The following HERC1 variants were observed in gnomAD, a reference collection of about 807,000 sequenced individuals.
HERC1 encodes HECT and RLD domain containing E3 ubiquitin protein ligase family member 1, also known as probable E3 ubiquitin-protein ligase HERC1.
HERC1 carries 160 observed loss-of-function variants against 554.3 expected under a neutral mutation model. The ratio of observed to expected loss-of-function variants is 0.29; its 90% confidence interval spans 0.25 to 0.33. The LOEUF (loss-of-function observed/expected upper bound fraction) is 0.33. Ranked by LOEUF, HERC1 falls within the 10% of genes least tolerant of loss-of-function variation. HERC1 has a pLI of 1.00. For synonymous variants in HERC1, 2,175 were observed against 2,131.7 expected, an observed-to-expected ratio of 1.02 and a Z score of -0.56; for missense variants, 4,919 against 5,918.5, an observed-to-expected ratio of 0.83 and a Z score of 5.54.
In HERC1 at chr15:63,624,266, A is replaced by G. The variant is rs764214583; in HGVS notation, c.13337T>C (p.Leu4446Ser). 4.3e-6 allele frequency: 7 copies of G among 1,613,880 alleles called. No homozygotes were observed. Among genetic ancestry groups the G allele is most frequent in the Non-Finnish European group, 4.2e-6 (5 of 1,179,798 alleles). ...WGIVQGQLRP[L>S]LAPRVYTLPM... ...CAGAGTGTAGACTCTTGGGGCTAAC[A>G]AAGGCCGAAGTTGTCCCTGTACAAT... Residue 4446 changes from leucine to serine, a missense_variant, in exon 72 of 78, where the codon TTG becomes TCG. Leu to Ser is a moderately radical substitution (Grantham distance 145, BLOSUM62 -2). Around this residue, in one of 11 missense-constraint regions of HERC1, gnomAD observed 410 missense variants for 467.0 expected, o/e 0.88. Coordinates refer to ENST00000443617, the MANE Select transcript of HERC1 (RefSeq NM_003922.4).
chr15:63,721,840 C>T (rs184865305), intron 19 of HERC1, among the ~76,000 whole-genome samples: 2 of 152,038 alleles, frequency 1.3e-5, no homozygotes, highest in Admixed American at 6.6e-5. Flanking sequence ...AAAATATGTA[C>T]ATAAAATTAA....
chr15:63,816,485 T>C (rs1334562560), intron 1 of HERC1, among the ~76,000 whole-genome samples: 1 of 152,226 alleles, frequency 6.6e-6, no homozygotes, highest in Non-Finnish European at 1.5e-5. Flanking sequence ...ACTACTGCCC[T>C]GCACAAATTA....
Position 63,643,004 on chromosome 15 carries a change from C to A in HERC1, c.11386G>T (p.Val3796Leu). Residue 3796 changes from valine to leucine, a missense_variant, in exon 59 of 78, where the codon GTA (valine) becomes TTA (leucine). Physicochemically the swap from Val to Leu is conservative, Grantham distance 32 (BLOSUM62 1). Around this residue, in one of 11 missense-constraint regions of HERC1, gnomAD observed 1,963 missense variants for 2,228.6 expected, o/e 0.88. Coordinates refer to ENST00000443617, the MANE Select transcript of HERC1 (RefSeq NM_003922.4). ...VIGSGAIQTT[V>L]WIPEVGVAAC... Reference sequence around the variant, plus strand: ...GCTACTCCAACTTCTGGAATCCATACTGTGGTCTGAATAGCTCCAGAGCCT... The same window carrying A: ...GCTACTCCAACTTCTGGAATCCATAATGTGGTCTGAATAGCTCCAGAGCCT... The A allele has an allele frequency of 1.9e-6, 3 of 1,613,176 alleles. No homozygotes were observed. Among genetic ancestry groups the A allele is most frequent in the East Asian group, 2.2e-5 (1 of 44,854 alleles).
At chr15:63,819,529 A>G (rs939412873) in intron 1 of HERC1, among the ~76,000 whole-genome samples, 1 of 152,162 alleles carries the variant, frequency 6.6e-6, no homozygotes, top group Admixed American at 6.5e-5. Flanking sequence ...ATAAAGATTC[A>G]CTAATATTCA....
intron 1 of HERC1, among the ~76,000 whole-genome samples, chr15:63,821,906 CAAAT>C (rs1392062256): frequency 2.6e-5 from 4 of 151,834 alleles, no homozygotes; most frequent in African/African-American, 9.7e-5. Flanking sequence ...GTAAGGAAGA[CAAAT>C]AATAACCAGG....
chr15:63,763,643 T>C (rs1382759925), intron 3 of HERC1, among the ~76,000 whole-genome samples: 1 of 151,416 alleles, frequency 6.6e-6, no homozygotes, highest in Admixed American at 6.6e-5. Flanking sequence ...GACAGAACTA[T>C]AAAGAAATGC....
intron 1 of HERC1, among the ~76,000 whole-genome samples, chr15:63,811,507 G>A (rs75374111): frequency 2.0e-5 from 3 of 151,996 alleles, no homozygotes; most frequent in Non-Finnish European, 2.9e-5. Flanking sequence ...GCTGAGCCCC[G>A]GTAACATAAA....
intron 74 of HERC1, among the ~76,000 whole-genome samples, chr15:63,620,184 G>A (rs1164944034): frequency 7.2e-5 from 11 of 152,154 alleles, no homozygotes; most frequent in Non-Finnish European, 1.2e-4. Context: ...AGAGATTCTG[G>A]TATGTTGTGT....
intron 36 of HERC1, among the ~76,000 whole-genome samples, chr15:63,679,474 G>A (rs1319696940): frequency 6.6e-6 from 1 of 152,120 alleles, no homozygotes; most frequent in African/African-American, 2.4e-5. Flanking sequence ...AGAAATTCTT[G>A]AGACTTGACT....
chr15:63,821,726 CAAA>C (rs35074987), intron 1 of HERC1, among the ~76,000 whole-genome samples: 77 of 62,458 alleles, frequency 1.2e-3, no homozygotes, highest in African/African-American at 4.1e-3. Flanking sequence ...TACCCTGTCT[CAAA>C]AAAAAAAAAA....
At chr15:63,808,337 G>C (rs1189721199) in intron 1 of HERC1, among the ~76,000 whole-genome samples, 1 of 152,100 alleles carries the variant, frequency 6.6e-6, no homozygotes, top group Non-Finnish European at 1.5e-5. Flanking sequence ...GCCTAGATTA[G>C]ACTGCAGTGG....
At chr15:63,830,257 G>A (rs1328565496) in intron 1 of HERC1, among the ~76,000 whole-genome samples, 3 of 152,164 alleles carry the variant, frequency 2.0e-5, no homozygotes, top group Non-Finnish European at 2.9e-5. Context: ...AAAAAGACAT[G>A]TCAACACCAT....
chr15:63,828,344 CTT>C (rs369216037), intron 1 of HERC1, among the ~76,000 whole-genome samples: 2 of 144,164 alleles, frequency 1.4e-5, no homozygotes, highest in Non-Finnish European at 1.5e-5. Context: ...AACTTTTTTC[CTT>C]TTTTTTTTTT....
intron 24 of HERC1, among the ~76,000 whole-genome samples, chr15:63,707,719 A>G (rs2073085092): frequency 6.6e-6 from 1 of 152,116 alleles, no homozygotes; most frequent in African/African-American, 2.4e-5. Context: ...GCTTGAGGCC[A>G]GGAGTTCGAG....
At chr15:63,618,909 G>A (rs2067943426) in intron 74 of HERC1, among the ~76,000 whole-genome samples, 2 of 152,176 alleles carry the variant, frequency 1.3e-5, no homozygotes, top group South Asian at 4.1e-4. Flanking sequence ...AGATGATGGG[G>A]TTTTCTAGAT....
chr15:63,658,810 T>G (rs2070191462), intron 47 of HERC1, 92 bp from the exon 48 acceptor site: 1 of 1,008,784 alleles, frequency 9.9e-7, no homozygotes, highest in Non-Finnish European at 1.4e-6. Flanking sequence ...AGAGGTTCCA[T>G]AACAAACCAA....
At chr15:63,651,066 G>C (rs2069648839) in intron 53 of HERC1, among the ~76,000 whole-genome samples, 187 bp downstream of exon 53, 1 of 152,178 alleles carries the variant, frequency 6.6e-6, no homozygotes, top group Non-Finnish European at 1.5e-5. Flanking sequence ...GTCCCAGAAA[G>C]AAAAGTGAAT....
At chr15:63,759,501 C>T (rs779943196) in intron 3 of HERC1, among the ~76,000 whole-genome samples, 5 of 152,126 alleles carry the variant, frequency 3.3e-5, no homozygotes, top group Non-Finnish European at 5.9e-5. Context: ...AATTTTTTGG[C>T]AAACATAAAT....
At chr15:63,819,943 C>T (rs1037364662) in intron 1 of HERC1, among the ~76,000 whole-genome samples, 1 of 152,130 alleles carries the variant, frequency 6.6e-6, no homozygotes, top group East Asian at 1.9e-4. Flanking sequence ...TAAGTTTAAA[C>T]GTGCGTTAAA....
Sources: allele counts gnomAD v4.1 joint callset (sites outside exome capture counted in the v4.1 genomes callset), GRCh38; gene constraint gnomAD v4.1.1; regional missense constraint gnomAD v4.1.1; transcripts MANE v1.5; gene names NCBI Gene and HGNC (gene_info 2026-07-23, HGNC 2026-07-21).